Variants in HERC6 observed in about 807,000 individuals in gnomAD.
HERC6 encodes HECT and RLD domain containing E3 ubiquitin protein ligase family member 6.
In HERC6, 101 loss-of-function variants were observed where a neutral mutation model predicts 114.5. The observed-to-expected ratio is 0.88, with a 90% CI of 0.75 to 1.04. The LOEUF (loss-of-function observed/expected upper bound fraction) is 1.04, where lower values mean the gene tolerates loss of function less well. Among genes scored for constraint, HERC6 ranks in the 50% least tolerant of loss-of-function variants. The pLI, the probability that HERC6 is intolerant of heterozygous loss-of-function variation, is 0.00. For synonymous variants in HERC6, 408 were observed against 436.2 expected (o/e 0.94, Z 0.81); for missense variants, 1,133 against 1,230.9 (o/e 0.92, Z 1.19).
chr4:88,406,486 A>T (rs1389585274), intron 10 of HERC6, among the ~76,000 whole-genome samples: 1 of 152,208 alleles, frequency 6.6e-6, no homozygotes, highest in Non-Finnish European at 1.5e-5. Flanking sequence ...GAACTGTTGG[A>T]TGCCAATAAC....
intron 12 of HERC6, among the ~76,000 whole-genome samples, chr4:88,415,521 C>T (rs1736397653): frequency 6.6e-6 from 1 of 152,204 alleles, no homozygotes; most frequent in Non-Finnish European, 1.5e-5. Context: ...GTTGGGAAAC[C>T]TGTCCGTACT....
intron 8 of HERC6, among the ~76,000 whole-genome samples, chr4:88,403,937 C>T (rs1322115769): frequency 6.6e-6 from 1 of 152,002 alleles, no homozygotes; most frequent in Non-Finnish European, 1.5e-5. Flanking sequence ...GTTCAACTGT[C>T]ACCATTATCC....
At chr4:88,438,125 CAAAAAAAAA>C (rs746047106) in intron 20 of HERC6, among the ~76,000 whole-genome samples, 1 of 43,940 alleles carries the variant, frequency 2.3e-5, no homozygotes, top group Non-Finnish European at 4.6e-5. Flanking sequence ...GACTGTGTCT[CAAAAAAAAA>C]AAAAAAAAAA....
rs769856356 is a variant in HERC6 at position 88,428,774 on chromosome 4, C to G, written c.2106+24C>G. ...TGGTACAGTAAAAAGTCTCATTGAA[C>G]ATTTTTACTTCTGTGGGAGGGATGC... On this transcript the variant is annotated intron_variant, in intron 16 of 22. Coordinates refer to ENST00000264346, the MANE Select transcript of HERC6 (RefSeq NM_017912.4). 3 of 1,473,930 alleles carry G rather than the reference C, an allele frequency of 2.0e-6. No homozygotes were observed. In the South Asian group the frequency reaches 4.4e-5, roughly 21 times the overall value. The allele number at this position is 1,473,930 out of a possible 1,614,324, so 91.3% of individuals were successfully genotyped here.
rs981506927 is a variant in HERC6, at chr4:88,440,412, G to A, written c.2842+162G>A. 16 of 595,604 alleles carry A rather than the reference G, an allele frequency of 2.7e-5. No homozygotes were observed. In the Admixed American group the frequency reaches 4.3e-4, roughly 16 times the overall value. The allele number at this position is 595,604 out of a possible 1,614,324, so 36.9% of individuals were successfully genotyped here. A position where few individuals can be genotyped will look rare whatever the true frequency, so the allele number is the denominator to read the frequency against. On this transcript the variant is annotated intron_variant, in intron 22 of 22. Coordinates refer to ENST00000264346, the MANE Select transcript of HERC6 (RefSeq NM_017912.4). ...TCAAGGACATGGACACACACAAAGGGTGAGGTATAGAGCAGAAACTTAATA... is the reference window on the plus strand; with the variant it reads ...TCAAGGACATGGACACACACAAAGGATGAGGTATAGAGCAGAAACTTAATA...
At chr4:88,409,315 A>C (rs550666726) in intron 11 of HERC6, among the ~76,000 whole-genome samples, 2 of 152,218 alleles carry the variant, frequency 1.3e-5, no homozygotes, top group African/African-American at 2.4e-5. Flanking sequence ...CATGCCCAAG[A>C]ATGAGAAAAG....
intron 13 of HERC6, among the ~76,000 whole-genome samples, chr4:88,421,595 A>G (rs1437188357): frequency 6.6e-6 from 1 of 151,800 alleles, no homozygotes; most frequent in Non-Finnish European, 1.5e-5. Context: ...TTACAGGTGT[A>G]CACCCCATGC....
chr4:88,388,492 A>T (rs1394086505), intron 3 of HERC6, among the ~76,000 whole-genome samples: 2 of 148,338 alleles, frequency 1.3e-5, no homozygotes, highest in Admixed American at 6.8e-5. Flanking sequence ...CAGAGGTTGC[A>T]GTGAGCTGGG....
At chr4:88,440,881 A>C (rs780692403) in intron 22 of HERC6, among the ~76,000 whole-genome samples, 2 of 152,162 alleles carry the variant, frequency 1.3e-5, no homozygotes, top group Non-Finnish European at 2.9e-5. Context: ...GTTAGAAGGG[A>C]AGTTCTGCTG....
chr4:88,435,233 C>T (rs1738617255), intron 17 of HERC6, among the ~76,000 whole-genome samples: 1 of 152,066 alleles, frequency 6.6e-6, no homozygotes, highest in East Asian at 1.9e-4. Flanking sequence ...CTTCTTGGTC[C>T]CTAGCGTCAG....
intron 12 of HERC6, among the ~76,000 whole-genome samples, chr4:88,413,829 G>A (rs1167729808): frequency 2.0e-5 from 3 of 152,108 alleles, no homozygotes; most frequent in Non-Finnish European, 2.9e-5. Flanking sequence ...TTGAGGAGTA[G>A]TAAATGACTA....
chr4:88,397,976 A>T (rs923298123), intron 7 of HERC6, 166 bp from the exon 8 acceptor site: 5 of 543,868 alleles, frequency 9.2e-6, no homozygotes, highest in Non-Finnish European at 1.6e-5. Flanking sequence ...TTTCAATATG[A>T]TGGGAGGGAA....
intron 17 of HERC6, among the ~76,000 whole-genome samples, chr4:88,432,128 A>G (rs1738278057): frequency 1.3e-5 from 2 of 152,216 alleles, no homozygotes; most frequent in South Asian, 4.1e-4. Context: ...AATTCCACTC[A>G]TAAGTATTTA....
chr4:88,380,335 A>G (rs1578363166), intron 1 of HERC6, among the ~76,000 whole-genome samples: 1 of 57,974 alleles, frequency 1.7e-5, no homozygotes, highest in Admixed American at 3.4e-4. Flanking sequence ...TATAATATAT[A>G]AATATATATA....
At chr4:88,405,123 C>T in intron 9 of HERC6, 126 bp downstream of exon 9, 1 of 1,196,288 alleles carries the variant, frequency 8.4e-7, no homozygotes, top group Non-Finnish European at 1.2e-6. Flanking sequence ...TTCTCTTCTA[C>T]AGCCTCTTAG....
intron 2 of HERC6, among the ~76,000 whole-genome samples, chr4:88,383,758 A>T: frequency 9.8e-6 from 1 of 102,368 alleles, no homozygotes; most frequent in African/African-American, 3.8e-5. Flanking sequence ...AGGGAGACTC[A>T]GTCTCAAAAA....
At chr4:88,385,399 G>A in intron 2 of HERC6, 100 bp from the exon 3 acceptor site, 1 of 650,982 alleles carries the variant, frequency 1.5e-6, no homozygotes, top group Non-Finnish European at 2.7e-6. Flanking sequence ...TAGTTTTCCT[G>A]GACCAGATGT....
intron 2 of HERC6, among the ~76,000 whole-genome samples, chr4:88,383,867 A>ACACCAAT (rs1734446845): frequency 6.6e-6 from 1 of 151,832 alleles, no homozygotes; most frequent in Non-Finnish European, 1.5e-5. Flanking sequence ...AAAACCTACA[A>ACACCAAT]CACCAATTAT....
intron 22 of HERC6, among the ~76,000 whole-genome samples, chr4:88,441,242 TAATG>T (rs1307885760): frequency 1.3e-5 from 2 of 152,208 alleles, no homozygotes; most frequent in Non-Finnish European, 2.9e-5. Context: ...TTAGAAATAA[TAATG>T]GCAACAACAA....
Sources: allele counts gnomAD v4.1 joint callset (sites outside exome capture counted in the v4.1 genomes callset), GRCh38; gene constraint gnomAD v4.1.1; transcripts MANE v1.5; gene names NCBI Gene and HGNC (gene_info 2026-07-23, HGNC 2026-07-21).